Variants in MYO10 observed in about 807,000 individuals in gnomAD.
MYO10 encodes unconventional myosin-X.
In MYO10, 133 loss-of-function variants were observed where a neutral mutation model predicts 257.3. The ratio of observed to expected loss-of-function variants is 0.52; its 90% CI spans 0.45 to 0.60. MYO10 has a LOEUF of 0.60. Among genes scored for constraint, MYO10 ranks in the 20% least tolerant of loss-of-function variants. The probability of loss-of-function intolerance (pLI) is 0.00; values close to 1 mark genes in which losing one functional copy is unlikely to be tolerated. For synonymous variants in MYO10, 1,104 were observed against 1,028.6 expected (o/e 1.07, Z -1.40); for missense variants, 2,399 against 2,635.7 (o/e 0.91, Z 1.97).
At chr5:16,802,529 C>T (rs1165716637) in intron 3 of MYO10, among the ~76,000 whole-genome samples, 3 of 150,882 alleles carry the variant, frequency 2.0e-5, no homozygotes, top group South Asian at 2.1e-4. Flanking sequence ...TAGTGGCAGG[C>T]GCCTGTAGTC....
intron 40 of MYO10, among the ~76,000 whole-genome samples, chr5:16,667,276 G>T (rs1208300692): frequency 6.6e-6 from 1 of 152,052 alleles, no homozygotes; most frequent in Non-Finnish European, 1.5e-5. Flanking sequence ...CTCCCCAGAC[G>T]CCAGGCCAGC....
rs754376677 is a variant in MYO10 at position 16,670,792 on chromosome 5, G to C, written c.5617C>G (p.Pro1873Ala). Residue 1873 changes from proline to alanine, a missense_variant, in exon 39 of 41, where the codon CCT becomes GCT. By Grantham distance (27) the Pro-to-Ala change is conservative (BLOSUM62 -1). This residue lies in a region of MYO10 where 1,820 missense variants were observed against 1,939.4 expected (regional missense o/e 0.94). Transcript: ENST00000513610. ...CGCCTCTTCTCCAGCCGTTCACAAG[G>C]GGTGAAGGTTTTGGTTGACTGGCTG... ...RISQSTKTFTPCERLEKRRTS... is the reference protein window; with the variant it reads ...RISQSTKTFTACERLEKRRTS... 3 of 1,614,042 alleles carry C rather than the reference G, an allele frequency of 1.9e-6. No individual in the cohort carries two copies. The South Asian group carries it at 3.3e-5, about 18-fold the overall frequency.
chr5:16,785,377 T>C (rs1741547960), intron 4 of MYO10, among the ~76,000 whole-genome samples: 1 of 152,234 alleles, frequency 6.6e-6, no homozygotes, highest in Non-Finnish European at 1.5e-5. Flanking sequence ...CAAGGAACGA[T>C]TTAAATCATC....
Position 16,746,405 on chromosome 5 carries a change from C to T in MYO10, c.1929+8423G>A, listed in dbSNP as rs534029833. On this transcript the variant is annotated intron_variant, in intron 19 of 40. Transcript: ENST00000513610. Reference sequence around the variant, plus strand: ...GAGAATGCAGCCTAGTAGGTTTCAGCCTCATTTTCCCCAGCTCCTATTCAA... The same window carrying T: ...GAGAATGCAGCCTAGTAGGTTTCAGTCTCATTTTCCCCAGCTCCTATTCAA... Among the ~76,000 whole-genome samples the T allele has an allele frequency of 6.6e-5, 10 of 152,302 alleles. No individual in the cohort carries two copies. The East Asian group carries it at 1.9e-3, about 29-fold the overall frequency.
intron 1 of MYO10, among the ~76,000 whole-genome samples, chr5:16,920,983 T>C (rs1289305891): frequency 6.6e-6 from 1 of 151,774 alleles, no homozygotes; most frequent in South Asian, 2.1e-4. Context: ...TGGGGCGTGG[T>C]GGTGGGCGCC....
At chr5:16,724,054 C>T (rs152726) in intron 19 of MYO10, among the ~76,000 whole-genome samples, 104,995 of 152,042 alleles carry the variant, frequency 0.69, 38,256 homozygotes, top group East Asian at 0.81. Flanking sequence ...TCAAAACTCG[C>T]GGAACTTTAG....
Position 16,834,035 on chromosome 5 carries a change from G to A in MYO10, c.121-15868C>T, listed in dbSNP as rs190844902. ...GCCAGGCCCCCCCGAACGCCCCATT[G>A]TTTCACCTGCCAAGCTGACTCCATA... On this transcript the variant is annotated intron_variant, in intron 2 of 40. Transcript: ENST00000513610. Among the ~76,000 whole-genome samples the A allele has an allele frequency of 1.6e-3, 245 of 152,122 alleles. 2 individuals carry two copies. Among genetic ancestry groups the A allele is most frequent in the African/African-American group, 5.7e-3 (235 of 41,510 alleles).
At chr5:16,880,037 A>T (rs1226074346) in intron 1 of MYO10, among the ~76,000 whole-genome samples, 1 of 152,190 alleles carries the variant, frequency 6.6e-6, no homozygotes, top group Non-Finnish European at 1.5e-5. Flanking sequence ...AAACTTAGCC[A>T]GACATGGTGG....
chr5:16,768,664 CTTTTTTT>C (rs34950225), intron 10 of MYO10, among the ~76,000 whole-genome samples: 15 of 70,166 alleles, frequency 2.1e-4, no homozygotes, highest in East Asian at 5.3e-4. Flanking sequence ...TTTCTCTTTT[CTTTTTTT>C]TTTTTTTTTT....
chr5:16,848,516 A>C (rs1214458713), intron 2 of MYO10, among the ~76,000 whole-genome samples: 1 of 152,138 alleles, frequency 6.6e-6, no homozygotes, highest in African/African-American at 2.4e-5. Flanking sequence ...TTTTCTAAAA[A>C]TAATAATGAT....
At chr5:16,755,226 C>T (rs1392252906) in intron 18 of MYO10, among the ~76,000 whole-genome samples, 1 of 152,178 alleles carries the variant, frequency 6.6e-6, no homozygotes, top group Non-Finnish European at 1.5e-5. Context: ...AGTGCAGTGG[C>T]GTGATCTCGG....
At chr5:16,828,987 G>A (rs1327000427) in intron 2 of MYO10, among the ~76,000 whole-genome samples, 1 of 152,164 alleles carries the variant, frequency 6.6e-6, no homozygotes, top group East Asian at 1.9e-4. Flanking sequence ...GCTGGACCCT[G>A]GGGATACAAT....
In MYO10 at chr5:16,681,371, G is replaced by A; in HGVS notation, c.4322C>T (p.Thr1441Ile). The A allele has an allele frequency of 6.2e-7, 1 of 1,613,974 alleles. No individual in the cohort carries two copies. The highest frequency in any genetic ancestry group is 1.1e-5 in the South Asian group (1 of 91,082). ...AGAGCAGAGGCTGTTGAGGACCAGG[G>A]TCCCCAGTTTGAGCGCGTTCTTCTC... is the stretch of plus-strand genomic sequence containing the variant. ...SSEKNALKLG[T>I]LVLNSLCSVV... Residue 1441 changes from threonine (T) to isoleucine (I), a missense_variant, in exon 32 of 41, where the codon ACC (threonine) becomes ATC (isoleucine). By Grantham distance (89) the Thr-to-Ile change is moderately conservative (BLOSUM62 -1). Coordinates refer to ENST00000513610, the MANE Select transcript of MYO10 (RefSeq NM_012334.3).
chr5:16,898,175 G>C (rs1327970754), intron 1 of MYO10, among the ~76,000 whole-genome samples: 1 of 152,008 alleles, frequency 6.6e-6, no homozygotes, highest in Non-Finnish European at 1.5e-5. Context: ...GAGCCCCCAG[G>C]TCAGCGTCTT....
intron 2 of MYO10, among the ~76,000 whole-genome samples, chr5:16,869,671 C>T (rs1744394817): frequency 6.6e-6 from 1 of 151,340 alleles, no homozygotes; most frequent in African/African-American, 2.4e-5. Flanking sequence ...TCAAGGCCAG[C>T]CTAGCCAACA....
chr5:16,750,522 G>A lies in MYO10; in HGVS notation c.1929+4306C>T, dbSNP rs73755196. ...TGGCAAGGAGGAGAGGCAGCCTGCCGTAGCAGCCAGGGCGGGTAAAGGGGG... is the reference window on the plus strand; with the variant it reads ...TGGCAAGGAGGAGAGGCAGCCTGCCATAGCAGCCAGGGCGGGTAAAGGGGG... On this transcript the variant is annotated intron_variant, in intron 19 of 40. Coordinates refer to ENST00000513610, the MANE Select transcript of MYO10 (RefSeq NM_012334.3). 8.1e-3 allele frequency among the ~76,000 whole-genome samples: 1,239 copies of A among 152,236 alleles called. 20 individuals are homozygous for A. Among genetic ancestry groups the A allele is most frequent in the African/African-American group, 0.028 (1,148 of 41,554 alleles).
chr5:16,813,614 G>A (rs986260739), intron 3 of MYO10, among the ~76,000 whole-genome samples: 1 of 151,596 alleles, frequency 6.6e-6, no homozygotes, highest in Non-Finnish European at 1.5e-5. Flanking sequence ...CAGAATAATG[G>A]CTCCTCCCGC....
intron 1 of MYO10, among the ~76,000 whole-genome samples, chr5:16,929,233 A>C (rs928868984): frequency 6.6e-6 from 1 of 152,120 alleles, no homozygotes; most frequent in Admixed American, 6.5e-5. Flanking sequence ...GATTACAGGC[A>C]TGAGCCACTG....
In MYO10 at chr5:16,720,024, A is replaced by C. The variant is rs31292; in HGVS notation, c.1930-8779T>G. On this transcript the variant is annotated intron_variant, in intron 19 of 40. Transcript: ENST00000513610. ...TGTGTGTGTGTGTGTGTGTGTGTGT[A>C]TATGTATGTATGTATTAGAAGCCTC... Among the ~76,000 whole-genome samples, 11 of 136,162 alleles carry C rather than the reference A, an allele frequency of 8.1e-5. No individual in the cohort carries two copies. In the East Asian group the frequency reaches 2.7e-3, roughly 33 times the overall value. The allele number at this position is 136,162 out of a possible 152,430, so 89.3% of individuals were successfully genotyped here.
Sources: allele counts gnomAD v4.1 joint callset (sites outside exome capture counted in the v4.1 genomes callset), GRCh38; gene constraint gnomAD v4.1.1; regional missense constraint gnomAD v4.1.1; transcripts MANE v1.5; gene names NCBI Gene and HGNC (gene_info 2026-07-23, HGNC 2026-07-21).